DSCC1: variants seen among roughly 807,000 people sequenced by gnomAD.
The protein encoded by DSCC1 is DNA replication and sister chromatid cohesion 1, also known as sister chromatid cohesion protein DCC1.
A neutral mutation model predicts 48.2 loss-of-function variants in DSCC1; 32 were observed. The ratio of observed to expected loss-of-function variants is 0.66; its 90% CI spans 0.50 to 0.89. The LOEUF is 0.89. Among genes scored for constraint, DSCC1 ranks in the 40% least tolerant of loss-of-function variants. DSCC1 has a pLI of 0.00. For missense variants in DSCC1, 421 were observed against 471.7 expected (o/e 0.89, Z 1.00); for synonymous variants, 150 against 171.5 (o/e 0.87, Z 0.98).
chr8:119,842,591 G>A (rs1826789262), intron 6 of DSCC1, among the ~76,000 whole-genome samples, 185 bp downstream of exon 6: 1 of 151,540 alleles, frequency 6.6e-6, no homozygotes, highest in Non-Finnish European at 1.5e-5. Context: ...TTATCATGTT[G>A]CCCAAGCTGG....
intron 2 of DSCC1, among the ~76,000 whole-genome samples, chr8:119,852,236 T>C (rs1014700994): frequency 6.6e-6 from 1 of 152,268 alleles, no homozygotes; most frequent in African/African-American, 2.4e-5. Context: ...GACAGTTGTT[T>C]GGTTACTGCC....
At chr8:119,837,884 A>G (rs1361483910) in intron 8 of DSCC1, among the ~76,000 whole-genome samples, 1 of 152,192 alleles carries the variant, frequency 6.6e-6, no homozygotes, top group Admixed American at 6.5e-5. Context: ...TTTGGGGCTA[A>G]CGTGTTCTAC....
chr8:119,841,710 T>A, intron 7 of DSCC1, 84 bp downstream of exon 7: 1 of 1,493,358 alleles, frequency 6.7e-7, no homozygotes, highest in Non-Finnish European at 9.0e-7. Flanking sequence ...AGAAATTGGT[T>A]CCAAATTCAG....
At position 119,834,992 on chromosome 8, in the gene DSCC1, A is replaced by C. The variant is rs1455481859; in HGVS notation, c.1083T>G (p.Cys361Trp). 1 of 1,590,014 alleles carries C rather than the reference A, an allele frequency of 6.3e-7. No individual in the cohort carries two copies. Among genetic ancestry groups the C allele is most frequent in the Non-Finnish European group, 8.6e-7 (1 of 1,164,492 alleles). Reference protein sequence around the residue: ...EDIAPYIQDLCGEKQTIGALL... With the variant: ...EDIAPYIQDLWGEKQTIGALL... ...ATGCACCTATGGTTTGCTTCTCTCC[A>C]CACAAATCTCTGTAGGAACAATAAA... The change falls in exon 9 of 9, where the codon TGT (cysteine) becomes TGG (tryptophan). Residue 361 changes from cysteine (C) to tryptophan (W), a missense_variant. This residue lies in a region of DSCC1 where 238 missense variants were observed against 259.0 expected (regional missense o/e 0.92). Coordinates refer to ENST00000313655, the MANE Select transcript of DSCC1 (RefSeq NM_024094.3).
chr8:119,850,173 CAA>C (rs1486212990), intron 3 of DSCC1, among the ~76,000 whole-genome samples: 10 of 152,222 alleles, frequency 6.6e-5, no homozygotes, highest in East Asian at 1.9e-4. Context: ...AGAAGACTGA[CAA>C]GACATTAATT....
At chr8:119,836,720 G>T (rs893410480) in intron 8 of DSCC1, among the ~76,000 whole-genome samples, 1 of 152,030 alleles carries the variant, frequency 6.6e-6, no homozygotes, top group Non-Finnish European at 1.5e-5. Flanking sequence ...AAAAGGGCAA[G>T]TATGAAGATG....
chr8:119,834,284 G>A lies in DSCC1; in HGVS notation c.*609C>T, dbSNP rs1034653084. 3.3e-5 allele frequency: 5 copies of A among 152,168 alleles called. No homozygotes were observed. The highest frequency in any genetic ancestry group is 1.3e-4 in the Admixed American group (2 of 15,268). The allele number at this position is 152,168 out of a possible 1,614,324, so 9.4% of individuals were successfully genotyped here. A position where few individuals can be genotyped will look rare whatever the true frequency, so the allele number is the denominator to read the frequency against. On this transcript the variant is annotated 3_prime_UTR_variant, in exon 9 of 9. Coordinates refer to ENST00000313655, the MANE Select transcript of DSCC1 (RefSeq NM_024094.3). ...CAACTAGAAATTACTTGAAGTTTTC[G>A]AGTGAGCATTGCCTGTGCCAGTATT...
intron 1 of DSCC1, among the ~76,000 whole-genome samples, chr8:119,854,727 C>T (rs1826991304): frequency 6.6e-6 from 1 of 152,162 alleles, no homozygotes; most frequent in African/African-American, 2.4e-5. Flanking sequence ...GAGTTCCTTT[C>T]TCAACTCTCC....
chr8:119,843,930 C>A (rs144898679), intron 4 of DSCC1, among the ~76,000 whole-genome samples, 183 bp from the exon 5 acceptor site: 1 of 152,170 alleles, frequency 6.6e-6, no homozygotes, highest in African/African-American at 2.4e-5. Flanking sequence ...GCACGCACTA[C>A]CATGCCTGGC....
At chr8:119,852,745 A>G (rs1826958411) in intron 2 of DSCC1, 1 of 212,744 alleles carries the variant, frequency 4.7e-6, no homozygotes, top group African/African-American at 2.3e-5. Flanking sequence ...TCCACAGCAA[A>G]ATCTACTAAA....
chr8:119,855,827 C>T lies in DSCC1; in HGVS notation c.-32G>A, dbSNP rs1444083286. ...GCCGGGTCTAGGAGTCCCGCCGCGC[C>T]CGGGTGGCTGCGGGCTTGGCGGGCA... On this transcript the variant is annotated 5_prime_UTR_variant, in exon 1 of 9. Coordinates refer to ENST00000313655, the MANE Select transcript of DSCC1 (RefSeq NM_024094.3). 5.6e-6 allele frequency: 8 copies of T among 1,427,504 alleles called. No individual in the cohort carries two copies. In the African/African-American group the frequency reaches 1.1e-4, roughly 19 times the overall value. 88.4% of individuals were successfully genotyped at this position (1,427,504 alleles called of 1,614,324 possible). A position where few individuals can be genotyped will look rare whatever the true frequency, so the allele number is the denominator to read the frequency against.
chr8:119,848,190 T>C (rs1016989498), intron 3 of DSCC1, among the ~76,000 whole-genome samples: 3 of 152,162 alleles, frequency 2.0e-5, no homozygotes, highest in Non-Finnish European at 4.4e-5. Flanking sequence ...CTCAAACTCC[T>C]GGACTGAAGC....
intron 8 of DSCC1, among the ~76,000 whole-genome samples, chr8:119,837,268 T>C: frequency 6.6e-6 from 1 of 152,106 alleles, no homozygotes; most frequent in Non-Finnish European, 1.5e-5. Context: ...TCCAAGTCTT[T>C]AAGAAGGCAG....
rs775870104 is a variant in DSCC1 at position 119,834,883 on chromosome 8, CGTT to C, written c.*7_*9del. 6 of 1,542,334 alleles carry C rather than the reference CGTT, an allele frequency of 3.9e-6. No homozygotes were observed. The highest frequency in any genetic ancestry group is 3.4e-4 in the Middle Eastern group (2 of 5,864). The stretch of plus-strand genomic sequence containing the variant: ...GCAACTTGAGTCCTGAAGAAAAGAC[CGTT>C]GTTCTTTTAAGAAATGGGTCTTCTC... On this transcript the variant is annotated 3_prime_UTR_variant, in exon 9 of 9. Coordinates refer to ENST00000313655, the MANE Select transcript of DSCC1 (RefSeq NM_024094.3).
At chr8:119,854,692 G>T (rs1227300311) in intron 1 of DSCC1, among the ~76,000 whole-genome samples, 2 of 152,022 alleles carry the variant, frequency 1.3e-5, no homozygotes, top group Non-Finnish European at 2.9e-5. Context: ...AACTAGAACT[G>T]GACCGAGAGA....
chr8:119,852,342 A>T (rs1416347808), intron 2 of DSCC1, among the ~76,000 whole-genome samples: 1 of 152,170 alleles, frequency 6.6e-6, no homozygotes, highest in African/African-American at 2.4e-5. Flanking sequence ...CACTTCCTTC[A>T]AAAACTCAAA....
At position 119,850,452 on chromosome 8, in the gene DSCC1, T is replaced by C. The variant is rs1826928373; in HGVS notation, c.416A>G (p.Lys139Arg). 9 of 1,602,948 alleles carry C rather than the reference T, an allele frequency of 5.6e-6. No individual in the cohort carries two copies. Among genetic ancestry groups the C allele is most frequent in the Non-Finnish European group, 7.7e-6 (9 of 1,176,266 alleles). ...RRRRPKLKKL[K>R]KLLMENPYEG... ...ATATGGATTTTCCATCAAAAGTTTCTTTAGCTTCTTTAACTTGGGTCTACG... is the reference window on the plus strand; with the variant it reads ...ATATGGATTTTCCATCAAAAGTTTCCTTAGCTTCTTTAACTTGGGTCTACG... The change falls in exon 3 of 9, where the codon AAG becomes AGG. Residue 139 changes from lysine to arginine, a missense_variant. Physicochemically the swap from Lys to Arg is conservative, Grantham distance 26 (BLOSUM62 2). Around this residue, in one of 3 missense-constraint regions of DSCC1, gnomAD observed 174 missense variants for 184.5 expected, o/e 0.94. Transcript: ENST00000313655.
intron 3 of DSCC1, among the ~76,000 whole-genome samples, chr8:119,847,884 C>T (rs1226328258): frequency 2.0e-5 from 3 of 151,932 alleles, no homozygotes. Flanking sequence ...AGGCTGGTCT[C>T]GAACTCCCGA....
intron 4 of DSCC1, among the ~76,000 whole-genome samples, chr8:119,844,819 A>C (rs1563945016): frequency 1.3e-5 from 2 of 152,214 alleles, no homozygotes. Flanking sequence ...AATGTCATAC[A>C]AATGAGGTGA....
Sources: gnomAD v4.1 joint callset for allele counts (sites outside exome capture counted in the v4.1 genomes callset) on GRCh38, gnomAD v4.1.1 for gene constraint, gnomAD v4.1.1 regional missense constraint, MANE v1.5 for transcripts, NCBI Gene and HGNC (gene_info 2026-07-23, HGNC 2026-07-21) for gene names.